NPAS3: variants seen among roughly 807,000 people sequenced by gnomAD.
The protein encoded by NPAS3 is neuronal PAS domain protein 3.
In NPAS3, 14 loss-of-function variants were observed where a neutral mutation model predicts 73.1. The ratio of observed to expected loss-of-function variants is 0.19; its 90% CI spans 0.13 to 0.30. The LOEUF is 0.30. Ranked by LOEUF, NPAS3 falls within the 10% of genes least tolerant of loss-of-function variation. The pLI, the probability that NPAS3 is intolerant of heterozygous loss-of-function variation, is 1.00. For synonymous variants in NPAS3, 620 were observed against 541.5 expected, an observed-to-expected ratio of 1.14 and a Z score of -2.01; for missense variants, 1,096 against 1,250.0, an observed-to-expected ratio of 0.88 and a Z score of 1.86.
intron 6 of NPAS3, among the ~76,000 whole-genome samples, chr14:33,733,370 A>G (rs181338647): frequency 3.4e-4 from 52 of 152,152 alleles, no homozygotes; most frequent in African/African-American, 1.2e-3. Flanking sequence ...ACGAGAAAAA[A>G]TTGGTTCTAA....
At chr14:33,725,409 C>T (rs190104024) in intron 6 of NPAS3, among the ~76,000 whole-genome samples, 63 of 152,042 alleles carry the variant, frequency 4.1e-4, no homozygotes, top group South Asian at 1.5e-3. Context: ...AATAAGATTG[C>T]GAGAAGACAC....
Position 33,582,723 on chromosome 14 carries a change from A to G in NPAS3, c.558+22513A>G, listed in dbSNP as rs573536626. ...AAAGTTCATAGCGGATATTAAGATA[A>G]TAAGTCATGTGACAGAAAAACAAAG... On this transcript the variant is annotated intron_variant, in intron 5 of 11. Coordinates refer to ENST00000356141, the Ensembl canonical transcript of NPAS3. Among the ~76,000 whole-genome samples, 9 of 152,332 alleles carry G rather than the reference A, an allele frequency of 5.9e-5. No individual in the cohort carries two copies. In the South Asian group the frequency reaches 1.7e-3, roughly 28 times the overall value.
chr14:33,606,723 TAAAA>T (rs946442290), intron 5 of NPAS3, among the ~76,000 whole-genome samples: 4 of 152,112 alleles, frequency 2.6e-5, no homozygotes, highest in African/African-American at 9.7e-5. Flanking sequence ...GCATTATACT[TAAAA>T]GAAAGAAGTG....
intron 8 of NPAS3, among the ~76,000 whole-genome samples, 197 bp from the exon 9 acceptor site, chr14:33,778,269 G>A (rs1017242439): frequency 6.6e-6 from 1 of 152,096 alleles, no homozygotes; most frequent in Non-Finnish European, 1.5e-5. Context: ...TTGATCTAAC[G>A]CATTTCCTAC....
At chr14:33,178,563 T>C (rs1468871789) in intron 2 of NPAS3, among the ~76,000 whole-genome samples, 29 of 152,244 alleles carry the variant, frequency 1.9e-4, no homozygotes, top group Admixed American at 1.9e-3. Flanking sequence ...AATTTATTTC[T>C]AGGTATTCTT....
rs116483951 is a variant in NPAS3 at position 33,126,937 on chromosome 14, A to G, written c.140+70943A>G. 6.6e-3 allele frequency among the ~76,000 whole-genome samples: 1,004 copies of G among 152,302 alleles called. 13 individuals carry two copies. The highest frequency in any genetic ancestry group is 0.023 in the African/African-American group (959 of 41,582). ...ATGTAACACATGTAAGCTGTAAGAA[A>G]TAAAATATATATCTCTCACTTCACC... On this transcript the variant is annotated intron_variant, in intron 2 of 11. Transcript: ENST00000356141.
At chr14:33,766,658 T>C (rs1029315524) in intron 7 of NPAS3, among the ~76,000 whole-genome samples, 3 of 152,202 alleles carry the variant, frequency 2.0e-5, no homozygotes, top group African/African-American at 7.2e-5. Context: ...TTCTGTCTAA[T>C]ATTGAATATC....
At chr14:33,031,683 C>T (rs1445155922) in intron 1 of NPAS3, among the ~76,000 whole-genome samples, 3 of 152,112 alleles carry the variant, frequency 2.0e-5, no homozygotes, top group African/African-American at 4.8e-5. Context: ...GAGATGGGGC[C>T]TCACAGTGTT....
chr14:33,198,246 G>A (rs1020105700), intron 2 of NPAS3, among the ~76,000 whole-genome samples: 7 of 152,102 alleles, frequency 4.6e-5, no homozygotes, highest in Admixed American at 1.3e-4. Flanking sequence ...AGCATGGAAG[G>A]GGACCCAAGC....
intron 5 of NPAS3, among the ~76,000 whole-genome samples, chr14:33,646,759 G>A (rs1431283974): frequency 1.3e-5 from 2 of 152,126 alleles, no homozygotes; most frequent in Non-Finnish European, 2.9e-5. Context: ...GAGCTAGCAG[G>A]GCAGTACTCA....
intron 8 of NPAS3, among the ~76,000 whole-genome samples, chr14:33,776,633 G>GAAA (rs1016268172): frequency 3.0e-5 from 4 of 133,836 alleles, no homozygotes; most frequent in Non-Finnish European, 6.2e-5. Flanking sequence ...TAGTAATTAT[G>GAAA]AAAAATACCT....
intron 1 of NPAS3, among the ~76,000 whole-genome samples, chr14:32,947,524 T>G (rs1306051184): frequency 6.6e-6 from 1 of 152,192 alleles, no homozygotes; most frequent in Non-Finnish European, 1.5e-5. Flanking sequence ...GTATATGAAT[T>G]TTTTTAATTA....
At chr14:33,605,247 C>T (rs1478279335) in intron 5 of NPAS3, among the ~76,000 whole-genome samples, 1 of 151,876 alleles carries the variant, frequency 6.6e-6, no homozygotes, top group East Asian at 1.9e-4. Context: ...TGACATCATA[C>T]TCAGTGGTGA....
intron 2 of NPAS3, among the ~76,000 whole-genome samples, chr14:33,163,675 T>C (rs116730934): frequency 8.6e-4 from 130 of 151,374 alleles, no homozygotes; most frequent in African/African-American, 2.9e-3. Flanking sequence ...GAACCCATTT[T>C]CCTTTCCATC....
At chr14:33,230,048 GAA>G (rs1461735861) in intron 3 of NPAS3, among the ~76,000 whole-genome samples, 1 of 152,156 alleles carries the variant, frequency 6.6e-6, no homozygotes, top group Non-Finnish European at 1.5e-5. Context: ...CTGAAAAACA[GAA>G]AGCTTTGGGG....
chr14:33,787,736 A>C (rs1313966507), intron 9 of NPAS3, among the ~76,000 whole-genome samples: 9 of 152,238 alleles, frequency 5.9e-5, no homozygotes, highest in African/African-American at 2.2e-4. Flanking sequence ...GTTCTAAATG[A>C]AAAACTGTCT....
chr14:33,749,268 A>T (rs1484181442), intron 7 of NPAS3, among the ~76,000 whole-genome samples: 1 of 152,216 alleles, frequency 6.6e-6, no homozygotes, highest in African/African-American at 2.4e-5. Context: ...ATGCCAAATA[A>T]CACACAGCAT....
chr14:33,167,313 T>TAG (rs944450395), intron 2 of NPAS3, among the ~76,000 whole-genome samples: 1 of 152,106 alleles, frequency 6.6e-6, no homozygotes, highest in Non-Finnish European at 1.5e-5. Context: ...TCAAATCTCC[T>TAG]AGAGAGAGGG....
intron 5 of NPAS3, among the ~76,000 whole-genome samples, chr14:33,566,493 T>A (rs1443613016): frequency 6.6e-6 from 1 of 152,164 alleles, no homozygotes; most frequent in Non-Finnish European, 1.5e-5. Context: ...CGCCTCTTTA[T>A]TTCATCCATA....
Sources: gnomAD v4.1 joint callset for allele counts (sites outside exome capture counted in the v4.1 genomes callset) on GRCh38, gnomAD v4.1.1 for gene constraint, MANE v1.5 for transcripts, NCBI Gene and HGNC (gene_info 2026-07-23, HGNC 2026-07-21) for gene names.